SIPA1L3: variants seen among roughly 807,000 people sequenced by gnomAD.
The protein encoded by SIPA1L3 is signal induced proliferation associated 1 like 3, also known as signal-induced proliferation-associated 1-like protein 3.
In SIPA1L3, 59 loss-of-function variants were observed where a neutral mutation model predicts 150.1. The observed-to-expected ratio is 0.39, with a 90% CI of 0.32 to 0.49. The LOEUF is 0.49. SIPA1L3 is among the 20% of genes least tolerant of loss of function. The pLI is 0.86. For synonymous variants in SIPA1L3, 1,070 were observed against 1,077.6 expected (o/e 0.99, Z 0.14); for missense variants, 2,211 against 2,489.5 (o/e 0.89, Z 2.38).
At chr19:38,163,191 G>T (rs1202225942) in intron 14 of SIPA1L3, among the ~76,000 whole-genome samples, 1 of 152,278 alleles carries the variant, frequency 6.6e-6, no homozygotes, top group African/African-American at 2.4e-5. Context: ...CAGATCTGTT[G>T]TATAAGAAAA....
chr19:37,952,828 C>T (rs2046776685), intron 1 of SIPA1L3, among the ~76,000 whole-genome samples: 1 of 152,224 alleles, frequency 6.6e-6, no homozygotes, highest in Non-Finnish European at 1.5e-5. Context: ...TAAAATACAG[C>T]AGCTCTGTTC....
intron 1 of SIPA1L3, among the ~76,000 whole-genome samples, chr19:37,909,204 C>T (rs1430462332): frequency 6.6e-6 from 1 of 152,166 alleles, no homozygotes; most frequent in African/African-American, 2.4e-5. Flanking sequence ...ATCTGATGGG[C>T]ACTGAAAGTT....
In SIPA1L3 at chr19:38,046,752, G is replaced by A. The variant is rs956567519; in HGVS notation, c.-311+17596G>A. On this transcript the variant is annotated intron_variant, in intron 2 of 21. Coordinates refer to ENST00000222345, the MANE Select transcript of SIPA1L3 (RefSeq NM_015073.3). The surrounding 1 kb of genome is among the most constrained non-coding windows in gnomAD (Gnocchi z 5.6). ...CCGCAACCCGGCATCTCCTGTGCCC[G>A]AGTGGCGTCTGTCAGTTGCTCAGTA... 4.1e-4 allele frequency among the ~76,000 whole-genome samples: 62 copies of A among 152,304 alleles called. No individual in the cohort carries two copies. The highest frequency in any genetic ancestry group is 1.4e-3 in the African/African-American group (58 of 41,570).
At chr19:38,037,589 A>C (rs531903173) in intron 2 of SIPA1L3, among the ~76,000 whole-genome samples, 1 of 152,290 alleles carries the variant, frequency 6.6e-6, no homozygotes, top group African/African-American at 2.4e-5. Context: ...CTCTTAACAA[A>C]TGCTGAGTTC....
At position 38,170,812 on chromosome 19, in the gene SIPA1L3, G is replaced by T. The variant is rs547264877; in HGVS notation, c.4208+5906G>T. 9.2e-4 allele frequency among the ~76,000 whole-genome samples: 140 copies of T among 152,190 alleles called. 1 individual carries two copies. The highest frequency in any genetic ancestry group is 3.1e-3 in the African/African-American group (128 of 41,520). On this transcript the variant is annotated intron_variant, in intron 15 of 21. Transcript: ENST00000222345. Reference sequence around the variant, plus strand: ...AGGGCCAGCGATAATGTTCCTGAACGAGGGTCACATCTGCCAAGGATGAGG... The same window carrying T: ...AGGGCCAGCGATAATGTTCCTGAACTAGGGTCACATCTGCCAAGGATGAGG...
intron 10 of SIPA1L3, among the ~76,000 whole-genome samples, chr19:38,131,002 C>T (rs1210063565): frequency 6.6e-6 from 1 of 152,196 alleles, no homozygotes; most frequent in East Asian, 1.9e-4. Context: ...ATTTAATCTC[C>T]ACAGTTGCCC....
intron 12 of SIPA1L3, among the ~76,000 whole-genome samples, chr19:38,151,385 T>C (rs1289475026): frequency 6.6e-6 from 1 of 152,222 alleles, no homozygotes; most frequent in African/African-American, 2.4e-5. Context: ...TCCAAGTCAC[T>C]TCCCTGACAG....
chr19:38,107,459 C>T (rs568053578), intron 7 of SIPA1L3, among the ~76,000 whole-genome samples: 1 of 152,224 alleles, frequency 6.6e-6, no homozygotes, highest in Admixed American at 6.5e-5. Context: ...ACCAAACACT[C>T]ATTGCCAAGA....
intron 4 of SIPA1L3, among the ~76,000 whole-genome samples, chr19:38,098,986 C>T (rs1437328291): frequency 6.6e-6 from 1 of 152,098 alleles, no homozygotes; most frequent in Non-Finnish European, 1.5e-5. Flanking sequence ...CCCTTCTCTT[C>T]TCTTCTCTCT....
chr19:38,001,179 G>GCT, intron 1 of SIPA1L3, among the ~76,000 whole-genome samples: 1 of 151,760 alleles, frequency 6.6e-6, no homozygotes, highest in East Asian at 1.9e-4. Flanking sequence ...TCAGAATAAA[G>GCT]CTCTCTGCTT....
At chr19:38,063,963 G>A (rs1969511168) in intron 2 of SIPA1L3, among the ~76,000 whole-genome samples, 1 of 152,222 alleles carries the variant, frequency 6.6e-6, no homozygotes, top group Non-Finnish European at 1.5e-5. Flanking sequence ...GTACCCAGAA[G>A]GGGCCACACC....
In SIPA1L3 at chr19:38,081,957, C is replaced by T. The variant is rs200906914; in HGVS notation, c.392C>T (p.Ala131Val). 3.3e-4 allele frequency: 525 copies of T among 1,614,124 alleles called. 3 individuals are homozygous for T. In the East Asian group the frequency reaches 8.6e-3, roughly 26 times the overall value. ...QNGQPPTSTPASSGSKAFHRL... is the reference protein window; with the variant it reads ...QNGQPPTSTPVSSGSKAFHRL... ...GGACAGCCCCCCACCAGCACCCCGG[C>T]TTCCTCAGGGTCCAAAGCCTTCCAC... The change falls in exon 3 of 22, where the codon GCT becomes GTT. Residue 131 changes from alanine (A) to valine (V), a missense_variant. Physicochemically the swap from Ala to Val is moderately conservative, Grantham distance 64. Around this residue, in one of 5 missense-constraint regions of SIPA1L3, gnomAD observed 587 missense variants for 534.5 expected, o/e 1.10. Coordinates refer to ENST00000222345, the MANE Select transcript of SIPA1L3 (RefSeq NM_015073.3).
At chr19:38,159,424 C>T (rs1600149897) in intron 13 of SIPA1L3, among the ~76,000 whole-genome samples, 1 of 152,226 alleles carries the variant, frequency 6.6e-6, no homozygotes, top group African/African-American at 2.4e-5. Flanking sequence ...CCCCCTCAGC[C>T]TCAGGTCCCA....
Position 38,208,079 on chromosome 19 carries a change from G to A in SIPA1L3, c.*1839G>A, listed in dbSNP as rs1973267516. ...GTCTCCTCCCATCTTCAGATCATTC[G>A]AATCATTTTGGGGACTTAATCATGT... is the stretch of plus-strand genomic sequence containing the variant. On this transcript the variant is annotated 3_prime_UTR_variant, in exon 22 of 22. Transcript: ENST00000222345. 1 of 132,778 alleles carries A rather than the reference G, an allele frequency of 7.5e-6. No individual in the cohort carries two copies. The highest frequency in any genetic ancestry group is 2.3e-4 in the East Asian group (1 of 4,334). 8.2% of individuals were successfully genotyped at this position (132,778 alleles called of 1,614,324 possible).
intron 4 of SIPA1L3, among the ~76,000 whole-genome samples, chr19:38,094,122 A>G (rs1239892104): frequency 6.6e-6 from 1 of 152,226 alleles, no homozygotes; most frequent in Non-Finnish European, 1.5e-5. Context: ...CCAAACGCTC[A>G]TTATTAAGAA....
intron 18 of SIPA1L3, 110 bp from the exon 19 acceptor site, chr19:38,198,279 G>A (rs1973009671): frequency 7.9e-7 from 1 of 1,271,866 alleles, no homozygotes; most frequent in African/African-American, 1.5e-5. Flanking sequence ...CCCTGCTGGA[G>A]GTTTTCCTGG....
intron 1 of SIPA1L3, among the ~76,000 whole-genome samples, chr19:37,946,015 C>T (rs528231464): frequency 2.6e-5 from 4 of 151,998 alleles, no homozygotes; most frequent in African/African-American, 7.2e-5. Flanking sequence ...ATTAGCCTGG[C>T]GTGGTGGCAA....
intron 6 of SIPA1L3, among the ~76,000 whole-genome samples, chr19:38,105,994 A>G (rs1156858269): frequency 6.6e-6 from 1 of 152,212 alleles, no homozygotes; most frequent in Non-Finnish European, 1.5e-5. Flanking sequence ...AGCCACCTCA[A>G]GGGTTCCATT....
intron 1 of SIPA1L3, among the ~76,000 whole-genome samples, chr19:37,929,623 A>G (rs531729919): frequency 2.0e-5 from 3 of 152,146 alleles, no homozygotes; most frequent in Non-Finnish European, 4.4e-5. Flanking sequence ...CACTCTGCCC[A>G]GAAACACCTG....
Sources: allele counts gnomAD v4.1 joint callset (sites outside exome capture counted in the v4.1 genomes callset), GRCh38; gene constraint gnomAD v4.1.1; regional missense constraint gnomAD v4.1.1; non-coding constraint Gnocchi (gnomAD v3.1); transcripts MANE v1.5; gene names NCBI Gene and HGNC (gene_info 2026-07-23, HGNC 2026-07-21).